Variants in WNT7B observed in about 807,000 individuals in gnomAD.
WNT7B encodes the protein Wnt family member 7B, also known as protein Wnt-7b.
Under a neutral mutation model 38.2 loss-of-function variants are expected in WNT7B, and 19 were observed. The observed-to-expected ratio is 0.50, with a 90% CI of 0.35 to 0.73. The LOEUF (loss-of-function observed/expected upper bound fraction) is 0.73, where lower values mean the gene tolerates loss of function less well. WNT7B is among the 30% of genes least tolerant of loss of function. The pLI is 0.01. For missense variants in WNT7B, 423 were observed against 507.9 expected, an observed-to-expected ratio of 0.83 and a Z score of 1.61; for synonymous variants, 243 against 209.3, an observed-to-expected ratio of 1.16 and a Z score of -1.39.
chr22:45,939,345 A>G (rs1931586901), intron 2 of WNT7B, among the ~76,000 whole-genome samples: 1 of 152,252 alleles, frequency 6.6e-6, no homozygotes, highest in Non-Finnish European at 1.5e-5. Context: ...AGAAGTATTC[A>G]TAGCATCCTT....
At chr22:45,940,339 A>G (rs1269000500) in intron 2 of WNT7B, among the ~76,000 whole-genome samples, 1 of 151,838 alleles carries the variant, frequency 6.6e-6, no homozygotes, top group Non-Finnish European at 1.5e-5. Context: ...TCTGACCAGG[A>G]CCCCAGAGTT....
chr22:45,939,859 C>A (rs1347721781), intron 2 of WNT7B, among the ~76,000 whole-genome samples: 1 of 152,104 alleles, frequency 6.6e-6, no homozygotes, highest in Middle Eastern at 3.2e-3. Context: ...AAACATCATG[C>A]CAAGTGAAAG....
In WNT7B at chr22:45,976,631, T is replaced by G. The variant is rs1438617624; in HGVS notation, c.71+53A>C. ...CCCACGGGGACGCCCCGGAGGCAGCTCCTTCGTGCTGTCTTGGCCCCTGGC... is the reference window on the plus strand; with the variant it reads ...CCCACGGGGACGCCCCGGAGGCAGCGCCTTCGTGCTGTCTTGGCCCCTGGC... On this transcript the variant is annotated intron_variant, in intron 1 of 3. Transcript: ENST00000339464. The surrounding 1 kb of genome is among the most constrained non-coding windows in gnomAD (Gnocchi z 8.5). 1 of 1,575,448 alleles carries G rather than the reference T, an allele frequency of 6.3e-7. No individual in the cohort carries two copies. Among genetic ancestry groups the G allele is most frequent in the Non-Finnish European group, 8.6e-7 (1 of 1,157,186 alleles).
At chr22:45,932,026 A>C (rs535075070) in intron 2 of WNT7B, among the ~76,000 whole-genome samples, 1 of 151,986 alleles carries the variant, frequency 6.6e-6, no homozygotes, top group South Asian at 2.1e-4. Flanking sequence ...ACTTCCTCCT[A>C]ATACCCCTGC....
At position 45,976,556 on chromosome 22, in the gene WNT7B, C is replaced by T. The variant is rs1932555722; in HGVS notation, c.71+128G>A. The T allele has an allele frequency of 4.0e-5, 41 of 1,027,308 alleles. No homozygotes were observed. Among genetic ancestry groups the T allele is most frequent in the Non-Finnish European group, 5.6e-5 (39 of 696,974 alleles). The allele number at this position is 1,027,308 out of a possible 1,614,324, so 63.6% of individuals were successfully genotyped here. A position where few individuals can be genotyped will look rare whatever the true frequency, so the allele number is the denominator to read the frequency against. ...GTGGGGCGAGGGTCTGACACACGGG[C>T]CAGCCCCGGAGCCCAGAGAGCTGCA... On this transcript the variant is annotated intron_variant, in intron 1 of 3. Coordinates refer to ENST00000339464, the MANE Select transcript of WNT7B (RefSeq NM_058238.3). This position sits in a 1 kb window ranked among gnomAD's most constrained non-coding sequence, Gnocchi z 8.5.
chr22:45,925,964 C>G lies in WNT7B; in HGVS notation c.571-2629G>C, dbSNP rs145068492. 3.2e-4 allele frequency: 320 copies of G among 985,118 alleles called. 1 individual carries two copies. The African/African-American group carries it at 5.3e-3, about 16-fold the overall frequency. 61.0% of individuals were successfully genotyped at this position (985,118 alleles called of 1,614,324 possible). A position where few individuals can be genotyped will look rare whatever the true frequency, so the allele number is the denominator to read the frequency against. On this transcript the variant is annotated intron_variant, in intron 3 of 3. Transcript: ENST00000339464. ...GCCCCTGGTACTGTGCCCTGTATCCCTCCCCCTCCTCCCTCCCCTGTCCCT... is the reference window on the plus strand; with the variant it reads ...GCCCCTGGTACTGTGCCCTGTATCCGTCCCCCTCCTCCCTCCCCTGTCCCT...
rs1241022067 is a variant in WNT7B, at chr22:45,976,325, G to A, written c.71+359C>T. On this transcript the variant is annotated intron_variant, in intron 1 of 3. Coordinates refer to ENST00000339464, the MANE Select transcript of WNT7B (RefSeq NM_058238.3). This position sits in a 1 kb window ranked among gnomAD's most constrained non-coding sequence, Gnocchi z 8.5. ...CCTCCAGGCGGCGAGCGCTCGGCCCGGGCTCGGCGCCCAGCGCAGCCCGGG... is the reference window on the plus strand; with the variant it reads ...CCTCCAGGCGGCGAGCGCTCGGCCCAGGCTCGGCGCCCAGCGCAGCCCGGG... Among the ~76,000 whole-genome samples the A allele has an allele frequency of 6.7e-6, 1 of 149,936 alleles. No homozygotes were observed. The highest frequency in any genetic ancestry group is 1.5e-5 in the Non-Finnish European group (1 of 67,288).
chr22:45,972,683 G>C (rs1234865559), intron 1 of WNT7B: 1 of 152,208 alleles, frequency 6.6e-6, no homozygotes. Context: ...GCCGCCTCCA[G>C]GGCTTGCCCA....
At chr22:45,925,480 G>C in intron 3 of WNT7B, 1 of 985,252 alleles carries the variant, frequency 1.0e-6, no homozygotes, top group Non-Finnish European at 1.2e-6. Context: ...GAATTGCAGG[G>C]CTAAGGGGCA....
rs61735041 is a variant in WNT7B, at chr22:45,923,004, G to A, written c.902C>T (p.Ala301Val). 1.8e-4 allele frequency: 294 copies of A among 1,612,998 alleles called. No individual in the cohort carries two copies. Among genetic ancestry groups the A allele is most frequent in the Admixed American group, 3.7e-4 (22 of 60,020 alleles). Residue 301 changes from alanine (A) to valine (V), a missense_variant, in exon 4 of 4, where the codon GCG becomes GTG. Ala to Val is a moderately conservative substitution (Grantham distance 64). Transcript: ENST00000339464. ...GCAGCACATGGTGTCACAGCCGTCC[G>A]CGCCGGGCGACGTGCGGTTGCAGAG... ...GRLCNRTSPG[A>V]DGCDTMCCGR...
intron 3 of WNT7B, 48 bp from the exon 4 acceptor site, chr22:45,923,383 C>T (rs1283426252): frequency 1.9e-6 from 3 of 1,552,904 alleles, no homozygotes; most frequent in East Asian, 2.3e-5. Context: ...CCAAGCTGGG[C>T]CCCTCTAGGT....
Position 45,972,116 on chromosome 22 carries a change from G to GGGCCCCCCCCCCCCCCCC in WNT7B, c.71+4567_71+4568insGGGGGGGGGGGGGGGGCC. On this transcript the variant is annotated intron_variant, in intron 1 of 3. Transcript: ENST00000339464. ...TTCCAGCGCTGGAGGCCCGGGGGGA[G>GGGCCCCCCCCCCCCCCCC]CCCACCCGCCCACCCCGCACGCCGC... 5 of 530,736 alleles carry GGGCCCCCCCCCCCCCCCC rather than the reference G, an allele frequency of 9.4e-6. No homozygotes were observed. The East Asian group carries it at 1.1e-4, about 12-fold the overall frequency. The allele number at this position is 530,736 out of a possible 1,614,324, so 32.9% of individuals were successfully genotyped here. A position where few individuals can be genotyped will look rare whatever the true frequency, so the allele number is the denominator to read the frequency against.
intron 1 of WNT7B, among the ~76,000 whole-genome samples, chr22:45,959,924 C>CA (rs1230562281): frequency 1.3e-5 from 2 of 152,210 alleles, no homozygotes; most frequent in African/African-American, 4.8e-5. Context: ...CCAGACCCCC[C>CA]AGAGCCACAG....
chr22:45,944,837 G>A (rs10448577), intron 2 of WNT7B, among the ~76,000 whole-genome samples: 54,675 of 152,060 alleles, frequency 0.36, 11,185 homozygotes, highest in African/African-American at 0.53. Flanking sequence ...ACTGTCCTCC[G>A]AAAACGGCTG....
chr22:45,970,432 G>A (rs1387330300), intron 1 of WNT7B, among the ~76,000 whole-genome samples: 1 of 74,182 alleles, frequency 1.3e-5, no homozygotes, highest in African/African-American at 9.0e-5. Context: ...GGTACACTGG[G>A]CACCACCTTG....
At chr22:45,969,688 G>A (rs1021889363) in intron 1 of WNT7B, among the ~76,000 whole-genome samples, 4 of 152,228 alleles carry the variant, frequency 2.6e-5, no homozygotes, top group Admixed American at 6.5e-5. Context: ...TCTGGGATTC[G>A]GTGTGCACCG....
At chr22:45,955,169 C>T in intron 1 of WNT7B, among the ~76,000 whole-genome samples, 1 of 152,226 alleles carries the variant, frequency 6.6e-6, no homozygotes, top group Non-Finnish European at 1.5e-5. Context: ...CCTGCCCTCC[C>T]ACTGCTGCCC....
At chr22:45,942,236 C>T (rs573273980) in intron 2 of WNT7B, among the ~76,000 whole-genome samples, 1 of 152,334 alleles carries the variant, frequency 6.6e-6, no homozygotes, top group Admixed American at 6.5e-5. Context: ...CTGGGGGTCT[C>T]GGTCTAGACA....
intron 2 of WNT7B, among the ~76,000 whole-genome samples, chr22:45,939,061 A>C (rs1230299694): frequency 6.6e-6 from 1 of 152,246 alleles, no homozygotes; most frequent in East Asian, 1.9e-4. Flanking sequence ...GTGAGATGCC[A>C]CTTCACACGC....
Sources: allele counts gnomAD v4.1 joint callset (sites outside exome capture counted in the v4.1 genomes callset), GRCh38; gene constraint gnomAD v4.1.1; non-coding constraint Gnocchi (gnomAD v3.1); transcripts MANE v1.5; gene names NCBI Gene and HGNC (gene_info 2026-07-23, HGNC 2026-07-21).